ERAP2: variants seen among roughly 807,000 people sequenced by gnomAD.
ERAP2 encodes the protein endoplasmic reticulum aminopeptidase 2.
Under a neutral mutation model 111.1 loss-of-function variants are expected in ERAP2, and 118 were observed. The observed-to-expected ratio is 1.06, with a 90% CI of 0.92 to 1.24. ERAP2 has a LOEUF of 1.24. Among genes scored for constraint, ERAP2 ranks in the 50% most tolerant of loss-of-function variants. The pLI is 0.00. For missense variants in ERAP2, 1,131 were observed against 1,125.8 expected (o/e 1.00, Z -0.07); for synonymous variants, 410 against 401.2 (o/e 1.02, Z -0.26).
chr5:96,883,882 C>G lies in ERAP2; in HGVS notation c.666C>G (p.Ile222Met), dbSNP rs1326799970. ...DEPLFKANFSIKIRRESRHIA... is the reference protein window; with the variant it reads ...DEPLFKANFSMKIRRESRHIA... ...CGTTGTTCAAAGCCAACTTTTCAATCAAGATACGAAGAGAGAGCAGGCATA... is the reference window on the plus strand; with the variant it reads ...CGTTGTTCAAAGCCAACTTTTCAATGAAGATACGAAGAGAGAGCAGGCATA... Residue 222 changes from isoleucine to methionine, a missense_variant, in exon 3 of 19, where the codon ATC becomes ATG. By Grantham distance (10) the Ile-to-Met change is conservative (BLOSUM62 1). This residue lies in a region of ERAP2 where 847 missense variants were observed against 856.5 expected (regional missense o/e 0.99). Transcript: ENST00000437043. 1 of 1,613,626 alleles carries G rather than the reference C, an allele frequency of 6.2e-7. No individual in the cohort carries two copies. Among genetic ancestry groups the G allele is most frequent in the African/African-American group, 1.3e-5 (1 of 74,894 alleles).
chr5:96,913,003 G>T (rs1363977), intron 16 of ERAP2, among the ~76,000 whole-genome samples: 82,394 of 151,970 alleles, frequency 0.54, 22,403 homozygotes, highest in Admixed American at 0.59. Flanking sequence ...ATATGATTGA[G>T]ACTAGACAAG....
intron 3 of ERAP2, among the ~76,000 whole-genome samples, chr5:96,886,022 T>C (rs1213027977): frequency 6.6e-6 from 1 of 152,256 alleles, no homozygotes. Flanking sequence ...TGACTCAAGC[T>C]GTCACGCAGC....
chr5:96,915,903 C>G (rs1456126666), intron 18 of ERAP2, 134 bp downstream of exon 18: 7 of 647,068 alleles, frequency 1.1e-5, no homozygotes, highest in Non-Finnish European at 1.8e-5. Context: ...TGCCATATAG[C>G]AAGTAAATGG....
In ERAP2 at chr5:96,903,557, T is replaced by C. The variant is rs746597629; in HGVS notation, c.2009T>C (p.Val670Ala). The C allele has an allele frequency of 1.9e-6, 3 of 1,593,128 alleles. No homozygotes were observed. The highest frequency in any genetic ancestry group is 1.1e-5 in the South Asian group (1 of 87,148). Reference protein sequence around the residue: ...VGLIHDVFQLVGAGRLTLDKA... With the variant: ...VGLIHDVFQLAGAGRLTLDKA... Reference sequence around the variant, plus strand: ...CTGATTCATGATGTGTTTCAGCTAGTTGGGTAAGGCAACATTTCCTCTGAC... The same window carrying C: ...CTGATTCATGATGTGTTTCAGCTAGCTGGGTAAGGCAACATTTCCTCTGAC... The change falls in exon 13 of 19, where the codon GTT becomes GCT. Residue 670 changes from valine to alanine, a missense_variant. Around this residue, in one of 3 missense-constraint regions of ERAP2, gnomAD observed 847 missense variants for 856.5 expected, o/e 0.99. Transcript: ENST00000437043.
At chr5:96,906,838 C>A (rs1212058189) in intron 13 of ERAP2, among the ~76,000 whole-genome samples, 2 of 152,178 alleles carry the variant, frequency 1.3e-5, no homozygotes, top group Non-Finnish European at 2.9e-5. Context: ...TCAAGACCAG[C>A]CTGGCCAACA....
At chr5:96,903,109 C>A (rs17486509) in intron 12 of ERAP2, among the ~76,000 whole-genome samples, 5,779 of 152,270 alleles carry the variant, frequency 0.038, 190 homozygotes, top group Middle Eastern at 0.12. Context: ...TGGGCCCTTC[C>A]TTGCATGTCT....
Position 96,915,695 on chromosome 5 carries a change from T to G in ERAP2, c.2665T>G (p.Leu889Val), listed in dbSNP as rs764839797. ...NWTHLLKKFDLGSYDIRMIIS... is the reference protein window; with the variant it reads ...NWTHLLKKFDVGSYDIRMIIS... ...GTTTCTTTTTATTTTCAGATTTGAC[T>G]TGGGCTCATATGACATAAGGATGAT... is the stretch of plus-strand genomic sequence containing the variant. The change falls in exon 18 of 19, where the codon TTG (leucine) becomes GTG (valine). Residue 889 changes from leucine to valine, a missense_variant. Leu to Val is a conservative substitution (Grantham distance 32). Transcript: ENST00000437043. The G allele has an allele frequency of 5.2e-6, 8 of 1,533,558 alleles. No homozygotes were observed. The South Asian group carries it at 1.0e-4, about 20-fold the overall frequency. 95.0% of individuals were successfully genotyped at this position (1,533,558 alleles called of 1,614,324 possible). A position where few individuals can be genotyped will look rare whatever the true frequency, so the allele number is the denominator to read the frequency against.
chr5:96,906,073 T>C (rs1223426070), intron 13 of ERAP2, among the ~76,000 whole-genome samples: 1 of 151,856 alleles, frequency 6.6e-6, no homozygotes, highest in Non-Finnish European at 1.5e-5. Context: ...CCACACCCAG[T>C]GTAAATCAAT....
rs757936044 is a variant in ERAP2 at position 96,915,710 on chromosome 5, A to C, written c.2680A>C (p.Ile894Leu). The change falls in exon 18 of 19, where the codon ATA (isoleucine) becomes CTA (leucine). Residue 894 changes from isoleucine to leucine, a missense_variant. By Grantham distance (5) the Ile-to-Leu change is conservative (BLOSUM62 2). This residue lies in a region of ERAP2 where 279 missense variants were observed against 250.9 expected (regional missense o/e 1.11). Coordinates refer to ENST00000437043, the MANE Select transcript of ERAP2 (RefSeq NM_022350.5). ...CAGATTTGACTTGGGCTCATATGAC[A>C]TAAGGATGATCATCTCTGGCACAAC... Reference protein sequence around the residue: ...LKKFDLGSYDIRMIISGTTAH... With the variant: ...LKKFDLGSYDLRMIISGTTAH... The C allele has an allele frequency of 6.3e-7, 1 of 1,593,558 alleles. No individual in the cohort carries two copies. The highest frequency in any genetic ancestry group is 1.1e-5 in the South Asian group (1 of 87,154).
rs3733905 is a variant in ERAP2 at position 96,883,857 on chromosome 5, C to A, written c.641C>A (p.Pro214Gln). ...ATGGCTTTCCCTTGCTTTGATGAAC[C>A]GTTGTTCAAAGCCAACTTTTCAATC... Reference protein sequence around the residue: ...ARMAFPCFDEPLFKANFSIKI... With the variant: ...ARMAFPCFDEQLFKANFSIKI... The change falls in exon 3 of 19, where the codon CCG becomes CAG. Residue 214 changes from proline to glutamine, a missense_variant. Around this residue, in one of 3 missense-constraint regions of ERAP2, gnomAD observed 847 missense variants for 856.5 expected, o/e 0.99. Transcript: ENST00000437043. 3 of 1,613,724 alleles carry A rather than the reference C, an allele frequency of 1.9e-6. No individual in the cohort carries two copies. The highest frequency in any genetic ancestry group is 1.1e-5 in the South Asian group (1 of 91,042).
chr5:96,909,059 A>G lies in ERAP2; in HGVS notation c.2111A>G (p.Glu704Gly), dbSNP rs1786413114. Residue 704 changes from glutamate to glycine, a missense_variant, in exon 14 of 19, where the codon GAA becomes GGA. Glu to Gly is a moderately conservative substitution (Grantham distance 98, BLOSUM62 -2). This residue lies in a region of ERAP2 where 847 missense variants were observed against 856.5 expected (regional missense o/e 0.99). Transcript: ENST00000437043. ...CTTCTCGAAGGTCTGAGTTACTTGG[A>G]ATCGTTTTACCACATGATGGACAGA... ...PALLEGLSYL[E>G]SFYHMMDRRN... is the part of the protein sequence containing the mutation. 6.2e-7 allele frequency: 1 copy of G among 1,614,218 alleles called. No homozygotes were observed. The highest frequency in any genetic ancestry group is 8.5e-7 in the Non-Finnish European group (1 of 1,180,024).
chr5:96,896,382 T>A lies in ERAP2; in HGVS notation c.1249T>A (p.Phe417Ile), dbSNP rs149162243. The A allele has an allele frequency of 4.3e-6, 7 of 1,610,016 alleles. No individual in the cohort carries two copies. In the African/African-American group the frequency reaches 8.0e-5, roughly 18 times the overall value. The change falls in exon 8 of 19, where the codon TTT becomes ATT. Residue 417 changes from phenylalanine to isoleucine, a missense_variant. Phe to Ile is a conservative substitution (Grantham distance 21, BLOSUM62 0). Around this residue, in one of 3 missense-constraint regions of ERAP2, gnomAD observed 847 missense variants for 856.5 expected, o/e 0.99. Transcript: ENST00000437043. ...TTTTCTCCCTGTTTAGGATGACTAT[T>A]TTTTGAATGTGTGTTTTGAAGTAAT... The part of the protein sequence containing the change: ...TYPELQFDDY[F>I]LNVCFEVITK...
chr5:96,884,046 C>CTATT, intron 3 of ERAP2, 116 bp downstream of exon 3: 1 of 355,928 alleles, frequency 2.8e-6, no homozygotes, highest in Non-Finnish European at 5.1e-6. Flanking sequence ...ATCTATCTAT[C>CTATT]TATCTATCTA....
chr5:96,886,047 G>A (rs770734678), intron 3 of ERAP2, among the ~76,000 whole-genome samples: 16 of 152,218 alleles, frequency 1.1e-4, no homozygotes, highest in Non-Finnish European at 1.9e-4. Context: ...GAGAGAATGA[G>A]CATCATCTTT....
intron 17 of ERAP2, among the ~76,000 whole-genome samples, chr5:96,914,148 T>TCTCACACACACACACACACACACACACA (rs34158080): frequency 2.0e-5 from 3 of 147,982 alleles, no homozygotes; most frequent in South Asian, 2.2e-4. Context: ...TCTCTCTCTC[T>TCTCACACACACACACACACACACACACA]CACACACACA....
chr5:96,898,872 G>A (rs1581857053), intron 9 of ERAP2, among the ~76,000 whole-genome samples: 1 of 152,232 alleles, frequency 6.6e-6, no homozygotes, highest in East Asian at 1.9e-4. Flanking sequence ...ACCAAGTATT[G>A]TGTTGCTTCT....
At chr5:96,912,251 C>G (rs1431695231) in intron 15 of ERAP2, among the ~76,000 whole-genome samples, 1 of 146,014 alleles carries the variant, frequency 6.8e-6, no homozygotes, top group African/African-American at 2.5e-5. Flanking sequence ...AAAAAAGCAT[C>G]AAGTAATCAT....
rs73150394 is a variant in ERAP2, at chr5:96,908,305, C to T, written c.2013-656C>T. On this transcript the variant is annotated intron_variant, in intron 13 of 18. Coordinates refer to ENST00000437043, the MANE Select transcript of ERAP2 (RefSeq NM_022350.5). ...TTCCAATAGTGAGGTTATAATCGTT[C>T]GTTTCCTCTACAGAAGATGCCCCAG... 3.6e-3 allele frequency among the ~76,000 whole-genome samples: 554 copies of T among 152,252 alleles called. 3 individuals are homozygous for T. Among genetic ancestry groups the T allele is most frequent in the African/African-American group, 0.013 (546 of 41,532 alleles).
At chr5:96,911,449 C>G (rs975748936) in intron 15 of ERAP2, among the ~76,000 whole-genome samples, 1 of 152,138 alleles carries the variant, frequency 6.6e-6, no homozygotes, top group Non-Finnish European at 1.5e-5. Context: ...ATAGTGGTGT[C>G]TTTTGTAGAA....
Sources: allele counts gnomAD v4.1 joint callset (sites outside exome capture counted in the v4.1 genomes callset), GRCh38; gene constraint gnomAD v4.1.1; regional missense constraint gnomAD v4.1.1; transcripts MANE v1.5; gene names NCBI Gene and HGNC (gene_info 2026-07-23, HGNC 2026-07-21).